The following LILRA2 variants were observed in gnomAD, a reference collection of about 807,000 sequenced individuals.
LILRA2 encodes the protein leukocyte immunoglobulin like receptor A2.
A neutral mutation model predicts 47.9 loss-of-function variants in LILRA2; 45 were observed. The observed-to-expected ratio is 0.94, with a 90% CI of 0.74 to 1.20. LILRA2 has a LOEUF of 1.20. Among genes scored for constraint, LILRA2 ranks in the 50% most tolerant of loss-of-function variants. The pLI, the probability that LILRA2 is intolerant of heterozygous loss-of-function variation, is 0.00. For missense variants in LILRA2, 651 were observed against 598.2 expected, an observed-to-expected ratio of 1.09 and a Z score of -0.92; for synonymous variants, 279 against 249.2, an observed-to-expected ratio of 1.12 and a Z score of -1.13.
Position 54,574,827 on chromosome 19 carries a change from A to T in LILRA2, c.449A>T (p.Asp150Val), listed in dbSNP as rs763650094. ...TLQCVSQVAF[D>V]GFILCKEGED... is the part of the protein sequence containing the mutation. ...CAGTGTGTCTCACAGGTGGCATTTG[A>T]CGGCTTCATTCTGTGTAAGGAAGGA... The change falls in exon 4 of 8, where the codon GAC (aspartate) becomes GTC (valine). Residue 150 changes from aspartate (D) to valine (V), a missense_variant. Asp to Val is a radical substitution (Grantham distance 152, BLOSUM62 -3). Coordinates refer to ENST00000391738, the MANE Select transcript of LILRA2 (RefSeq NM_001130917.3). The T allele has an allele frequency of 6.2e-7, 1 of 1,614,224 alleles. No homozygotes were observed. The highest frequency in any genetic ancestry group is 8.5e-7 in the Non-Finnish European group (1 of 1,180,028).
intron 6 of LILRA2, among the ~76,000 whole-genome samples, chr19:54,582,593 T>G (rs1027551674): frequency 1.3e-5 from 2 of 152,320 alleles, no homozygotes; most frequent in Admixed American, 6.5e-5. Context: ...CTGATGGTAG[T>G]TTGTATTTCT....
chr19:54,584,099 C>T (rs2062724941), intron 6 of LILRA2, among the ~76,000 whole-genome samples: 1 of 152,174 alleles, frequency 6.6e-6, no homozygotes, highest in African/African-American at 2.4e-5. Flanking sequence ...GAATATTGGC[C>T]TCCACTCTCT....
At position 54,588,862 on chromosome 19, in the gene LILRA2, C is replaced by T. The variant is rs1301791709; in HGVS notation, c.*1516C>T. 2 of 151,930 alleles carry T rather than the reference C, an allele frequency of 1.3e-5. No homozygotes were observed. The highest frequency in any genetic ancestry group is 2.4e-5 in the African/African-American group (1 of 41,378). The allele number at this position is 151,930 out of a possible 1,614,324, so 9.4% of individuals were successfully genotyped here. On this transcript the variant is annotated 3_prime_UTR_variant, in exon 8 of 8. Transcript: ENST00000391738. ...GTATTTTTAGTAGAGACGGGGGTCTCGCCATGTTAGTGAGGCTGGTCTTGA... is the reference window on the plus strand; with the variant it reads ...GTATTTTTAGTAGAGACGGGGGTCTTGCCATGTTAGTGAGGCTGGTCTTGA...
At position 54,588,320 on chromosome 19, in the gene LILRA2, C is replaced by CAACGTAAG. The variant is rs2062866709; in HGVS notation, c.*975_*976insACGTAAGA. The stretch of plus-strand genomic sequence containing the variant: ...CACGGCTCACCTAAAAATCAAAGTA[C>CAACGTAAG]ATGCCGGGCGCGGTGGCTCACGCCT... On this transcript the variant is annotated 3_prime_UTR_variant, in exon 8 of 8. Transcript: ENST00000391738. The CAACGTAAG allele has an allele frequency of 6.6e-6, 1 of 152,164 alleles. No homozygotes were observed. The highest frequency in any genetic ancestry group is 2.1e-4 in the South Asian group (1 of 4,818). 9.4% of individuals were successfully genotyped at this position (152,164 alleles called of 1,614,324 possible).
chr19:54,575,520 C>G lies in LILRA2; in HGVS notation c.920C>G (p.Ala307Gly). Residue 307 changes from alanine (A) to glycine (G), a missense_variant, in exon 5 of 8, where the codon GCC becomes GGC. Coordinates refer to ENST00000391738, the MANE Select transcript of LILRA2 (RefSeq NM_001130917.3). ...SAHNLSSEWS[A>G]PSDPLDILIT... is the part of the protein sequence containing the mutation. The stretch of plus-strand genomic sequence containing the variant: ...CACAACCTCTCCTCCGAGTGGTCGG[C>G]CCCCAGTGACCCCCTGGACATCCTG... The G allele has an allele frequency of 6.2e-7, 1 of 1,612,328 alleles. No individual in the cohort carries two copies. Among genetic ancestry groups the G allele is most frequent in the Non-Finnish European group, 8.5e-7 (1 of 1,179,866 alleles).
At chr19:54,583,096 T>C (rs1303651343) in intron 6 of LILRA2, among the ~76,000 whole-genome samples, 2 of 152,232 alleles carry the variant, frequency 1.3e-5, no homozygotes, top group East Asian at 3.8e-4. Flanking sequence ...TTTGAGTGAG[T>C]TTATTAATCC....
Position 54,587,751 on chromosome 19 carries a change from A to G in LILRA2, c.*405A>G, listed in dbSNP as rs1164861377. On this transcript the variant is annotated 3_prime_UTR_variant, in exon 8 of 8. Coordinates refer to ENST00000391738, the MANE Select transcript of LILRA2 (RefSeq NM_001130917.3). ...TACTGAGTCCCCGTCTCTTCAGTTC[A>G]GAGATCCAAACCTGAACCACCAACT... The G allele has an allele frequency of 5.3e-6, 1 of 190,214 alleles. No individual in the cohort carries two copies. The allele number at this position is 190,214 out of a possible 1,614,324, so 11.8% of individuals were successfully genotyped here. A position where few individuals can be genotyped will look rare whatever the true frequency, so the allele number is the denominator to read the frequency against.
Position 54,577,401 on chromosome 19 carries a change from G to A in LILRA2, c.1255+1292G>A. 2.5e-6 allele frequency: 3 copies of A among 1,181,972 alleles called. No homozygotes were observed. In the Admixed American group the frequency reaches 8.8e-5, roughly 35 times the overall value. 73.2% of individuals were successfully genotyped at this position (1,181,972 alleles called of 1,614,324 possible). On this transcript the variant is annotated intron_variant, in intron 6 of 7. Transcript: ENST00000391738. ...TGGGGCTGATGGAGGAGGAAGAGAGGCAGGTGAGTTGGAGAGAGGACAGAT... is the reference window on the plus strand; with the variant it reads ...TGGGGCTGATGGAGGAGGAAGAGAGACAGGTGAGTTGGAGAGAGGACAGAT...
chr19:54,577,495 C>T lies in LILRA2; in HGVS notation c.1255+1386C>T. ...CTGAGTATAAGCCCTTCACCCACAC[C>T]TGCGGGGTCCCTGGGCCATCTCAAG... On this transcript the variant is annotated intron_variant, in intron 6 of 7. Coordinates refer to ENST00000391738, the MANE Select transcript of LILRA2 (RefSeq NM_001130917.3). The T allele has an allele frequency of 3.1e-6, 4 of 1,289,474 alleles. No individual in the cohort carries two copies. In the South Asian group the frequency reaches 4.9e-5, roughly 16 times the overall value. 79.9% of individuals were successfully genotyped at this position (1,289,474 alleles called of 1,614,324 possible). A position where few individuals can be genotyped will look rare whatever the true frequency, so the allele number is the denominator to read the frequency against.
chr19:54,583,182 G>A (rs1164581968), intron 6 of LILRA2, among the ~76,000 whole-genome samples: 1 of 152,220 alleles, frequency 6.6e-6, no homozygotes, highest in East Asian at 1.9e-4. Context: ...TTGCTGAGGA[G>A]TGGTTTACTA....
chr19:54,578,900 T>G (rs552653650), intron 6 of LILRA2, among the ~76,000 whole-genome samples: 1 of 152,364 alleles, frequency 6.6e-6, no homozygotes, highest in Non-Finnish European at 1.5e-5. Context: ...TGCATATGTC[T>G]GTTGCCTGCA....
intron 6 of LILRA2, among the ~76,000 whole-genome samples, chr19:54,578,052 A>G (rs1044025182): frequency 2.1e-4 from 32 of 151,940 alleles, no homozygotes; most frequent in African/African-American, 7.5e-4. Context: ...AGAATATTGT[A>G]TGCTCATTTT....
Position 54,574,879 on chromosome 19 carries a change from C to CTCCCAT in LILRA2, c.508_513dup (p.Ser170_His171dup). On this transcript the variant is annotated inframe_insertion, in exon 4 of 8. Coordinates refer to ENST00000391738, the MANE Select transcript of LILRA2 (RefSeq NM_001130917.3). ...AAGATGAACACCCACAACGCCTGAA[C>CTCCCAT]TCCCATTCCCATGCCCGTGGGTGGT... The CTCCCAT allele has an allele frequency of 6.2e-7, 1 of 1,614,272 alleles. No homozygotes were observed. Among genetic ancestry groups the CTCCCAT allele is most frequent in the Non-Finnish European group, 8.5e-7 (1 of 1,180,050 alleles).
intron 5 of LILRA2, 123 bp downstream of exon 5, chr19:54,575,675 CAG>C (rs1404427395): frequency 2.0e-5 from 31 of 1,512,886 alleles, no homozygotes; most frequent in Non-Finnish European, 2.0e-5. Flanking sequence ...CAGAGAGAGA[CAG>C]GGGATGGGCG....
chr19:54,579,669 GA>G (rs2062583988), intron 6 of LILRA2, among the ~76,000 whole-genome samples: 1 of 152,118 alleles, frequency 6.6e-6, no homozygotes, highest in Non-Finnish European at 1.5e-5. Context: ...GCTTGATGGG[GA>G]TAGCATTGAA....
chr19:54,581,704 T>C (rs1365728721), intron 6 of LILRA2, among the ~76,000 whole-genome samples: 1 of 151,252 alleles, frequency 6.6e-6, no homozygotes, highest in Non-Finnish European at 1.5e-5. Context: ...TGCTCATGGG[T>C]AAGAAGAATC....
rs750521562 is a variant in LILRA2, at chr19:54,575,890, T to A, written c.1036T>A (p.Ser346Thr). ...AAAGAACGTGACCCTGCTGTGTCAG[T>A]CACGGGGGCAGTTCCACACTTTCCT... ...PGKNVTLLCQ[S>T]RGQFHTFLLT... The change falls in exon 6 of 8, where the codon TCA becomes ACA. Residue 346 changes from serine (S) to threonine (T), a missense_variant. Coordinates refer to ENST00000391738, the MANE Select transcript of LILRA2 (RefSeq NM_001130917.3). 8.1e-6 allele frequency: 13 copies of A among 1,613,534 alleles called. No individual in the cohort carries two copies. In the East Asian group the frequency reaches 2.9e-4, roughly 36 times the overall value.
Position 54,575,367 on chromosome 19 carries a change from A to G in LILRA2, c.767A>G (p.Tyr256Cys), listed in dbSNP as rs1200939728. 35 of 1,613,984 alleles carry G rather than the reference A, an allele frequency of 2.2e-5. No homozygotes were observed. The highest frequency in any genetic ancestry group is 5.3e-5 in the African/African-American group (4 of 74,902). Residue 256 changes from tyrosine (Y) to cysteine (C), a missense_variant, in exon 5 of 8, where the codon TAT becomes TGT. Transcript: ENST00000391738. The stretch of plus-strand genomic sequence containing the variant: ...GTCGGCTACGACAGATTTGTTCTGT[A>G]TAAGGAGGGAGAACGTGACTTCCTC... The part of the protein sequence containing the change: ...SDVGYDRFVL[Y>C]KEGERDFLQR...
At chr19:54,585,879 T>C (rs1000174357) in intron 6 of LILRA2, among the ~76,000 whole-genome samples, 1 of 152,172 alleles carries the variant, frequency 6.6e-6, no homozygotes, top group Admixed American at 6.5e-5. Context: ...ACCGGAGCCA[T>C]TCCTATTCGA....
Sources: allele counts gnomAD v4.1 joint callset (sites outside exome capture counted in the v4.1 genomes callset), GRCh38; gene constraint gnomAD v4.1.1; transcripts MANE v1.5; gene names NCBI Gene and HGNC (gene_info 2026-07-23, HGNC 2026-07-21).